Variants in PLVAP observed in about 807,000 individuals in gnomAD.
PLVAP encodes the protein plasmalemma vesicle-associated protein.
A neutral mutation model predicts 43.1 loss-of-function variants in PLVAP; 34 were observed. That is an observed-to-expected ratio of 0.79 (90% CI 0.60 to 1.05). The LOEUF is 1.05. PLVAP is among the 50% of genes least tolerant of loss of function. The pLI is 0.00. For missense variants in PLVAP, 574 were observed against 593.4 expected, an observed-to-expected ratio of 0.97 and a Z score of 0.34; for synonymous variants, 241 against 237.3, an observed-to-expected ratio of 1.02 and a Z score of -0.14.
chr19:17,374,818 G>T (rs150141929), intron 1 of PLVAP, among the ~76,000 whole-genome samples: 14,719 of 144,712 alleles, frequency 0.1, 798 homozygotes, highest in Admixed American at 0.12. Flanking sequence ...ATGTATGTAT[G>T]TATGTATGTA....
In PLVAP at chr19:17,377,207, AGT is replaced by A; in HGVS notation, c.80_81del (p.Tyr27PhefsTer95). The A allele has an allele frequency of 6.2e-7, 1 of 1,614,114 alleles. No homozygotes were observed. Among genetic ancestry groups the A allele is most frequent in the East Asian group, 2.2e-5 (1 of 44,870 alleles). On this transcript the variant is annotated frameshift_variant, in exon 1 of 6. Coordinates refer to ENST00000252590, the MANE Select transcript of PLVAP (RefSeq NM_031310.3). LOFTEE classifies it high-confidence loss of function. Reference protein sequence around the residue: ...SSRGCWYYLRYFFLFVSLIQF... With the variant: ...SSRGCWYYLRXFFLFVSLIQF... Reference sequence around the variant, plus strand: ...TGGATGAGGGAGACGAAGAGGAAGAAGTAGCGCAGGTAATACCAGCAGCCCCG... The same window carrying A: ...TGGATGAGGGAGACGAAGAGGAAGAAAGCGCAGGTAATACCAGCAGCCCCG...
In PLVAP at chr19:17,377,302, C is replaced by T. The variant is rs1419745615; in HGVS notation, c.-14G>A. On this transcript the variant is annotated 5_prime_UTR_variant, in exon 1 of 6. Coordinates refer to ENST00000252590, the MANE Select transcript of PLVAP (RefSeq NM_031310.3). ...GGCCAGACCCATTTGCTCGATCCCG[C>T]CGTCCGGTGCACCGTCCCTGCTCAC... 3.1e-6 allele frequency: 5 copies of T among 1,594,702 alleles called. No individual in the cohort carries two copies. Among genetic ancestry groups the T allele is most frequent in the Non-Finnish European group, 4.3e-6 (5 of 1,167,622 alleles).
At position 17,360,578 on chromosome 19, in the gene PLVAP, C is replaced by G; in HGVS notation, c.1272G>C (p.Lys424Asn). 1 of 1,613,754 alleles carries G rather than the reference C, an allele frequency of 6.2e-7. No individual in the cohort carries two copies. The highest frequency in any genetic ancestry group is 8.5e-7 in the Non-Finnish European group (1 of 1,179,804). Residue 424 changes from lysine to asparagine, a missense_variant, in exon 5 of 6, where the codon AAG becomes AAC. By Grantham distance (94) the Lys-to-Asn change is moderately conservative (BLOSUM62 0). Transcript: ENST00000252590. The stretch of plus-strand genomic sequence containing the variant: ...CAGGGGGCCTCTGGGACTCCAGGAT[C>G]TTCCTCTTGAACTCCTCCAGGCTAG... Reference protein sequence around the residue: ...DPASLEEFKRKILESQRPPAG... With the variant: ...DPASLEEFKRNILESQRPPAG...
At chr19:17,365,016 A>G (rs10406697) in intron 3 of PLVAP, among the ~76,000 whole-genome samples, 151,659 of 152,168 alleles carry the variant, frequency 1, 75,592 homozygotes, top group Middle Eastern at 1. Flanking sequence ...CAGGCGATCC[A>G]CCCACCTTGG....
intron 5 of PLVAP, among the ~76,000 whole-genome samples, 160 bp from the exon 6 acceptor site, chr19:17,352,528 C>A (rs2074490606): frequency 6.6e-6 from 1 of 152,048 alleles, no homozygotes; most frequent in Non-Finnish European, 1.5e-5. Context: ...CTCAGAACCC[C>A]AGGGCTCCTT....
Position 17,352,332 on chromosome 19 carries a change from C to G in PLVAP, c.*30G>C, listed in dbSNP as rs1230547108. 1 of 1,613,216 alleles carries G rather than the reference C, an allele frequency of 6.2e-7. No individual in the cohort carries two copies. Among genetic ancestry groups the G allele is most frequent in the African/African-American group, 1.3e-5 (1 of 74,852 alleles). ...TCCTCCGCAAACCGCCGAGTCGGGCCATCCCTTGGTCCTCAGGCCTGGAGC... is the reference window on the plus strand; with the variant it reads ...TCCTCCGCAAACCGCCGAGTCGGGCGATCCCTTGGTCCTCAGGCCTGGAGC... On this transcript the variant is annotated 3_prime_UTR_variant, in exon 6 of 6. Transcript: ENST00000252590.
At position 17,352,218 on chromosome 19, in the gene PLVAP, TTGCA is replaced by T. The variant is rs1250131445; in HGVS notation, c.*140_*143del. The T allele has an allele frequency of 2.7e-5, 31 of 1,138,722 alleles. No individual in the cohort carries two copies. The African/African-American group carries it at 3.8e-4, about 14-fold the overall frequency. 70.5% of individuals were successfully genotyped at this position (1,138,722 alleles called of 1,614,324 possible). ...GCGGGTGTGAGAGGGTACTAGGGGT[TTGCA>T]TGCAGGGAGTTGTCTGATGGTGGCC... On this transcript the variant is annotated 3_prime_UTR_variant, in exon 6 of 6. Coordinates refer to ENST00000252590, the MANE Select transcript of PLVAP (RefSeq NM_031310.3).
At chr19:17,369,217 G>A (rs138171656) in intron 1 of PLVAP, among the ~76,000 whole-genome samples, 210 of 148,518 alleles carry the variant, frequency 1.4e-3, no homozygotes, top group African/African-American at 4.7e-3. Flanking sequence ...AGGGTTTTTT[G>A]CTCTGTCACC....
chr19:17,369,183 T>G lies in PLVAP; in HGVS notation c.370-2988A>C, dbSNP rs549014766. ...TTTAAAAAAAACCTTTTTTTGTTTT[T>G]TTTTTTGTTGTTGTTTTTGAGACAG... On this transcript the variant is annotated intron_variant, in intron 1 of 5. Transcript: ENST00000252590. Among the ~76,000 whole-genome samples, 200 of 151,840 alleles carry G rather than the reference T, an allele frequency of 1.3e-3. 2 individuals are homozygous for G. The highest frequency in any genetic ancestry group is 4.5e-3 in the African/African-American group (188 of 41,518).
intron 5 of PLVAP, among the ~76,000 whole-genome samples, chr19:17,355,247 A>C (rs575350302): frequency 9.6e-4 from 142 of 147,192 alleles, no homozygotes; most frequent in Middle Eastern, 3.6e-3. Context: ...TAATAATAAT[A>C]ATAATAATAA....
chr19:17,352,980 G>T (rs146370687), intron 5 of PLVAP, among the ~76,000 whole-genome samples: 3 of 152,034 alleles, frequency 2.0e-5, no homozygotes, highest in African/African-American at 7.2e-5. Flanking sequence ...CACTGCTTCC[G>T]CACCCTCCGG....
At chr19:17,357,028 C>T (rs971212932) in intron 5 of PLVAP, among the ~76,000 whole-genome samples, 5 of 151,924 alleles carry the variant, frequency 3.3e-5, no homozygotes, top group African/African-American at 7.3e-5. Flanking sequence ...ACCTCTAATC[C>T]CAGCACTTTG....
In PLVAP at chr19:17,374,874, A is replaced by G. The variant is rs1243997020; in HGVS notation, c.369+2046T>C. Reference sequence around the variant, plus strand: ...CCCTCTGTTGCCCAGGCTGGAGTGCAGTAGTGAGATCTCGGCTCACTGCAA... The same window carrying G: ...CCCTCTGTTGCCCAGGCTGGAGTGCGGTAGTGAGATCTCGGCTCACTGCAA... On this transcript the variant is annotated intron_variant, in intron 1 of 5. Transcript: ENST00000252590. Among the ~76,000 whole-genome samples the G allele has an allele frequency of 2.0e-5, 3 of 152,256 alleles. No homozygotes were observed. The East Asian group carries it at 5.8e-4, about 29-fold the overall frequency.
intron 1 of PLVAP, among the ~76,000 whole-genome samples, chr19:17,372,948 C>A (rs142959771): frequency 6.7e-6 from 1 of 150,368 alleles, no homozygotes; most frequent in Non-Finnish European, 1.5e-5. Flanking sequence ...CACCTGTAGA[C>A]CCAGCTACTC....
chr19:17,365,891 C>A lies in PLVAP; in HGVS notation c.574G>T (p.Val192Leu). 1 of 1,614,098 alleles carries A rather than the reference C, an allele frequency of 6.2e-7. No homozygotes were observed. Residue 192 changes from valine (V) to leucine (L), a missense_variant, in exon 3 of 6, where the codon GTG (valine) becomes TTG (leucine). Transcript: ENST00000252590. ...DKESVLLNKR[V>L]AEEQLVECVK... ...CATTCAACCAGCTGTTCCTCCGCCA[C>A]GCGTTTGTTCAGCAGCACGCTTTCC...
At chr19:17,375,236 G>A (rs1444057893) in intron 1 of PLVAP, among the ~76,000 whole-genome samples, 1 of 152,082 alleles carries the variant, frequency 6.6e-6, no homozygotes, top group African/African-American at 2.4e-5. Context: ...GGGATTACAG[G>A]TGTGAGCTAC....
intron 1 of PLVAP, 66 bp downstream of exon 1, chr19:17,376,854 C>T (rs528499260): frequency 2.1e-6 from 3 of 1,457,994 alleles, no homozygotes; most frequent in Non-Finnish European, 1.9e-6. Context: ...TGAGGAAACT[C>T]AGGCTCAGAG....
chr19:17,353,676 C>T (rs980350295), intron 5 of PLVAP, among the ~76,000 whole-genome samples: 1 of 152,198 alleles, frequency 6.6e-6, no homozygotes, highest in African/African-American at 2.4e-5. Context: ...ATCACCTCCT[C>T]GGTGTAGCCT....
At position 17,370,729 on chromosome 19, in the gene PLVAP, G is replaced by A. The variant is rs117228490; in HGVS notation, c.370-4534C>T. Among the ~76,000 whole-genome samples the A allele has an allele frequency of 9.4e-4, 143 of 152,204 alleles. 1 individual carries two copies. Among genetic ancestry groups the A allele is most frequent in the Admixed American group, 4.4e-3 (67 of 15,268 alleles). On this transcript the variant is annotated intron_variant, in intron 1 of 5. Transcript: ENST00000252590. ...AAATAATGTTCTAAAATGGATCGTGGTGATCAATGTACAACTCTGTGAATT... is the reference window on the plus strand; with the variant it reads ...AAATAATGTTCTAAAATGGATCGTGATGATCAATGTACAACTCTGTGAATT...
Sources: allele counts gnomAD v4.1 joint callset (sites outside exome capture counted in the v4.1 genomes callset), GRCh38; gene constraint gnomAD v4.1.1; transcripts MANE v1.5; gene names NCBI Gene and HGNC (gene_info 2026-07-23, HGNC 2026-07-21).